Variants in ERBB4 observed in about 807,000 individuals in gnomAD.
ERBB4 encodes receptor tyrosine-protein kinase erbB-4.
Under a neutral mutation model 158.0 loss-of-function variants are expected in ERBB4, and 42 were observed. The observed-to-expected ratio is 0.27, with a 90% CI of 0.21 to 0.34. The LOEUF (loss-of-function observed/expected upper bound fraction) is 0.34, where lower values mean the gene tolerates loss of function less well. Ranked by LOEUF, ERBB4 falls within the 10% of genes least tolerant of loss-of-function variation. The pLI is 1.00. For synonymous variants in ERBB4, 583 were observed against 558.7 expected (o/e 1.04, Z -0.61); for missense variants, 1,333 against 1,624.1 (o/e 0.82, Z 3.08).
At chr2:212,005,104 A>G (rs571176400) in intron 2 of ERBB4, among the ~76,000 whole-genome samples, 1 of 152,324 alleles carries the variant, frequency 6.6e-6, no homozygotes, top group South Asian at 2.1e-4. Context: ...TTTCCACTCC[A>G]TAAACATACA....
chr2:211,732,232 G>T (rs187360375), intron 5 of ERBB4, among the ~76,000 whole-genome samples: 4 of 152,054 alleles, frequency 2.6e-5, no homozygotes, highest in South Asian at 4.2e-4. Context: ...ACAGAGGAAG[G>T]CTTCATCATA....
intron 20 of ERBB4, among the ~76,000 whole-genome samples, chr2:211,455,993 G>T (rs994452520): frequency 3.3e-5 from 5 of 152,142 alleles, no homozygotes; most frequent in African/African-American, 1.2e-4. Flanking sequence ...GTGATAATTT[G>T]GTCATTTTAC....
chr2:212,082,343 G>A (rs369747681), intron 2 of ERBB4, among the ~76,000 whole-genome samples: 2 of 151,910 alleles, frequency 1.3e-5, no homozygotes, highest in South Asian at 4.1e-4. Flanking sequence ...AAAATTCAAG[G>A]AGATTTTTAT....
intron 1 of ERBB4, among the ~76,000 whole-genome samples, chr2:212,213,135 A>G (rs1198547754): frequency 6.6e-6 from 1 of 152,078 alleles, no homozygotes; most frequent in Non-Finnish European, 1.5e-5. Flanking sequence ...CAGGCAACCT[A>G]CGAATAGGAG....
intron 25 of ERBB4, among the ~76,000 whole-genome samples, chr2:211,408,779 A>G (rs898466895): frequency 6.6e-6 from 1 of 152,240 alleles, no homozygotes; most frequent in Non-Finnish European, 1.5e-5. Context: ...TAATAGGCCA[A>G]GAATTTAGTG....
chr2:212,451,385 C>T (rs1221589002), intron 1 of ERBB4, among the ~76,000 whole-genome samples: 2 of 152,036 alleles, frequency 1.3e-5, no homozygotes, highest in Non-Finnish European at 2.9e-5. Flanking sequence ...TAGAATTTAC[C>T]GATTGAAAAT....
chr2:212,213,924 T>C (rs570081304), intron 1 of ERBB4, among the ~76,000 whole-genome samples: 208 of 151,966 alleles, frequency 1.4e-3, no homozygotes, highest in Admixed American at 4.5e-3. Flanking sequence ...TCTTTGGTGT[T>C]TGCAGGTTAA....
intron 1 of ERBB4, among the ~76,000 whole-genome samples, chr2:212,325,310 C>A (rs1359691814): frequency 6.6e-6 from 1 of 150,406 alleles, no homozygotes; most frequent in African/African-American, 2.4e-5. Context: ...CTCATATGCA[C>A]TATAAATTTT....
intron 3 of ERBB4, among the ~76,000 whole-genome samples, chr2:211,936,362 A>G (rs991291034): frequency 1.3e-5 from 2 of 152,110 alleles, no homozygotes; most frequent in South Asian, 2.1e-4. Context: ...TTTTCACCAC[A>G]GAGAAAATGA....
intron 1 of ERBB4, among the ~76,000 whole-genome samples, chr2:212,201,970 G>C (rs2082598775): frequency 6.6e-6 from 1 of 152,144 alleles, no homozygotes; most frequent in Non-Finnish European, 1.5e-5. Flanking sequence ...TTGTGAGTTT[G>C]AAGGGAAAAA....
intron 3 of ERBB4, among the ~76,000 whole-genome samples, chr2:211,852,974 G>C (rs778603742): frequency 6.6e-6 from 1 of 151,946 alleles, no homozygotes; most frequent in Admixed American, 6.6e-5. Context: ...TTTTTCATGT[G>C]ACTGTTGTTG....
chr2:211,763,411 A>C (rs1462541910), intron 4 of ERBB4, among the ~76,000 whole-genome samples: 1 of 152,156 alleles, frequency 6.6e-6, no homozygotes, highest in East Asian at 1.9e-4. Context: ...TGAGTTCCTT[A>C]AGGGAAGGAA....
At chr2:211,633,271 T>G (rs1371656746) in intron 16 of ERBB4, among the ~76,000 whole-genome samples, 2 of 152,054 alleles carry the variant, frequency 1.3e-5, no homozygotes, top group Non-Finnish European at 2.9e-5. Flanking sequence ...AGAAGATAAT[T>G]TGCTGCAACA....
chr2:212,143,708 C>CT (rs201917729), intron 1 of ERBB4, among the ~76,000 whole-genome samples: 2,549 of 152,216 alleles, frequency 0.017, 27 homozygotes, highest in African/African-American at 0.037. Context: ...CCTTTTCGCA[C>CT]TTTGTTCCAA....
chr2:212,289,814 A>C (rs185135247), intron 1 of ERBB4, among the ~76,000 whole-genome samples: 4 of 152,242 alleles, frequency 2.6e-5, no homozygotes, highest in Admixed American at 2.6e-4. Context: ...AAAACAAAAA[A>C]CTTAATTGCA....
At chr2:212,403,660 A>G (rs573904809) in intron 1 of ERBB4, among the ~76,000 whole-genome samples, 2 of 152,090 alleles carry the variant, frequency 1.3e-5, no homozygotes, top group Non-Finnish European at 2.9e-5. Flanking sequence ...GGGACAATTT[A>G]TATGAGATAC....
chr2:211,980,584 C>A (rs564721667), intron 2 of ERBB4, among the ~76,000 whole-genome samples: 1 of 152,238 alleles, frequency 6.6e-6, no homozygotes, highest in Admixed American at 6.5e-5. Context: ...GATTTTTGAG[C>A]ATGCCTCCCT....
intron 1 of ERBB4, among the ~76,000 whole-genome samples, chr2:212,298,551 G>C (rs941501890): frequency 1.3e-5 from 2 of 151,684 alleles, no homozygotes; most frequent in Non-Finnish European, 2.9e-5. Flanking sequence ...GAAGCTCACT[G>C]TAGGCAAGAC....
At chr2:211,826,612 G>A (rs545865552) in intron 3 of ERBB4, among the ~76,000 whole-genome samples, 3 of 151,820 alleles carry the variant, frequency 2.0e-5, no homozygotes, top group African/African-American at 7.2e-5. Flanking sequence ...ACAGTGTCTG[G>A]TATCAATAAA....
Sources: gnomAD v4.1 joint callset for allele counts (sites outside exome capture counted in the v4.1 genomes callset) on GRCh38, gnomAD v4.1.1 for gene constraint, MANE v1.5 for transcripts, NCBI Gene and HGNC (gene_info 2026-07-23, HGNC 2026-07-21) for gene names.